The following SLC10A7 variants were observed in gnomAD, a reference collection of about 807,000 sequenced individuals.
The protein encoded by SLC10A7 is solute carrier family 10 member 7, also known as sodium/bile acid cotransporter 7.
SLC10A7 carries 29 observed loss-of-function variants against 43.2 expected under a neutral mutation model. The observed-to-expected ratio is 0.67, with a 90% CI of 0.50 to 0.92. SLC10A7 has a LOEUF of 0.92. SLC10A7 is among the 40% of genes least tolerant of loss of function. SLC10A7 has a pLI of 0.00. For missense variants in SLC10A7, 295 were observed against 403.2 expected (o/e 0.73, Z 2.30); for synonymous variants, 152 against 144.8 (o/e 1.05, Z -0.35).
chr4:146,511,071 AGGGCT>A (rs1737420270), intron 2 of SLC10A7, among the ~76,000 whole-genome samples: 1 of 152,200 alleles, frequency 6.6e-6, no homozygotes, highest in Admixed American at 6.5e-5. Context: ...ATTGAAGTTG[AGGGCT>A]ACTATATGGT....
intron 5 of SLC10A7, among the ~76,000 whole-genome samples, chr4:146,431,161 T>C (rs28715496): frequency 0.015 from 2,263 of 152,262 alleles, 59 homozygotes; most frequent in African/African-American, 0.05. Flanking sequence ...GTTAATGTCA[T>C]GTGTGATATC....
chr4:146,301,214 C>G (rs2111230168), intron 7 of SLC10A7, among the ~76,000 whole-genome samples: 1 of 152,246 alleles, frequency 6.6e-6, no homozygotes, highest in Middle Eastern at 3.4e-3. Flanking sequence ...CAGTCTAGGT[C>G]ACAGCAGGCA....
rs781553304 is a variant in SLC10A7 at position 146,521,607 on chromosome 4, G to T, written c.100+11C>A. ...GAGCCGCGGTGGAGCCGGCAGAGGT[G>T]CAGCACTTACCCCCATTCACCCCTA... On this transcript the variant is annotated intron_variant, in intron 1 of 11. Transcript: ENST00000335472. 6 of 1,609,132 alleles carry T rather than the reference G, an allele frequency of 3.7e-6. No individual in the cohort carries two copies. Among genetic ancestry groups the T allele is most frequent in the East Asian group, 2.2e-5 (1 of 44,816 alleles).
rs1738680667 is a variant in SLC10A7, at chr4:146,521,655, A to G, written c.63T>C (p.Ala21=). ...WFMVGIVLAI[A]GAKLEPSIGV... ...CTATGGACGGCTCCAGTTTAGCTCC[A>G]GCGATCGCCAGCACTATTCCGACCA... The change falls in exon 1 of 12, where the codon GCT becomes GCC. Residue 21 remains alanine (A), a synonymous_variant. Transcript: ENST00000335472. 1 of 1,614,146 alleles carries G rather than the reference A, an allele frequency of 6.2e-7. No homozygotes were observed. The highest frequency in any genetic ancestry group is 1.3e-5 in the African/African-American group (1 of 75,034).
chr4:146,266,332 G>A (rs769435740), intron 10 of SLC10A7, among the ~76,000 whole-genome samples: 50 of 152,150 alleles, frequency 3.3e-4, no homozygotes, highest in Non-Finnish European at 6.5e-4. Context: ...ATCCAGGAGG[G>A]AAATTGCTAT....
At position 146,411,531 on chromosome 4, in the gene SLC10A7, G is replaced by A. The variant is rs532704615; in HGVS notation, c.435+31252C>T. Among the ~76,000 whole-genome samples the A allele has an allele frequency of 1.1e-3, 170 of 152,178 alleles. 1 individual carries two copies. The highest frequency in any genetic ancestry group is 2.0e-3 in the Non-Finnish European group (136 of 68,002). On this transcript the variant is annotated intron_variant, in intron 5 of 11. Coordinates refer to ENST00000335472, the MANE Select transcript of SLC10A7 (RefSeq NM_001029998.6). ...ATACTAATGTTTGAAGGAGGTGTAT[G>A]CTAATTAATACTAATGTTTACAATT...
rs12331616 is a variant in SLC10A7, at chr4:146,497,205, G to C, written c.396+6644C>G. Reference sequence around the variant, plus strand: ...AAGTGATCCATGAAATCCATTTTAAGAAACAAACAATCAAAAAACCACAAA... The same window carrying C: ...AAGTGATCCATGAAATCCATTTTAACAAACAAACAATCAAAAAACCACAAA... On this transcript the variant is annotated intron_variant, in intron 4 of 11. Coordinates refer to ENST00000335472, the MANE Select transcript of SLC10A7 (RefSeq NM_001029998.6). Among the ~76,000 whole-genome samples, 272 of 152,178 alleles carry C rather than the reference G, an allele frequency of 1.8e-3. 3 individuals carry two copies. Among genetic ancestry groups the C allele is most frequent in the African/African-American group, 6.1e-3 (253 of 41,532 alleles).
chr4:146,382,691 A>G (rs979517710), intron 5 of SLC10A7, among the ~76,000 whole-genome samples: 2 of 152,172 alleles, frequency 1.3e-5, no homozygotes, highest in African/African-American at 4.8e-5. Flanking sequence ...AATATAAATA[A>G]TGTCCTCTTC....
At chr4:146,443,457 G>A (rs932452225) in intron 4 of SLC10A7, among the ~76,000 whole-genome samples, 1 of 152,204 alleles carries the variant, frequency 6.6e-6, no homozygotes, top group South Asian at 2.1e-4. Context: ...CATAGCAGAC[G>A]TAATATAGCT....
At chr4:146,351,834 C>T (rs1334887404) in intron 5 of SLC10A7, among the ~76,000 whole-genome samples, 73 of 128,848 alleles carry the variant, frequency 5.7e-4, no homozygotes, top group African/African-American at 2.0e-3. Flanking sequence ...CAAGCAAATG[C>T]TGAGAGATTT....
chr4:146,304,726 G>C (rs1362772237), intron 7 of SLC10A7, among the ~76,000 whole-genome samples: 1 of 152,142 alleles, frequency 6.6e-6, no homozygotes, highest in Non-Finnish European at 1.5e-5. Context: ...TGTATATTCT[G>C]TTGATTTGGG....
At chr4:146,394,198 C>T (rs1388006311) in intron 5 of SLC10A7, among the ~76,000 whole-genome samples, 4 of 152,130 alleles carry the variant, frequency 2.6e-5, no homozygotes, top group Non-Finnish European at 5.9e-5. Context: ...TTCTCATAAT[C>T]CATGGTTATA....
At chr4:146,435,006 A>C (rs1261038732) in intron 5 of SLC10A7, among the ~76,000 whole-genome samples, 1 of 76,328 alleles carries the variant, frequency 1.3e-5, no homozygotes, top group Non-Finnish European at 2.7e-5. Context: ...GAGGGCAAGA[A>C]TCATTTTTTT....
chr4:146,356,129 A>C (rs1181582005), intron 5 of SLC10A7, among the ~76,000 whole-genome samples: 1 of 150,696 alleles, frequency 6.6e-6, no homozygotes, highest in Non-Finnish European at 1.5e-5. Flanking sequence ...TATTTGATTT[A>C]TTGACTTTCA....
In SLC10A7 at chr4:146,388,300, T is replaced by C. The variant is rs571487245; in HGVS notation, c.435+54483A>G. ...TACAACCAACTGACCTTTGACAAAGTTGACAAAGATATACACTGGGGAAAG... is the reference window on the plus strand; with the variant it reads ...TACAACCAACTGACCTTTGACAAAGCTGACAAAGATATACACTGGGGAAAG... On this transcript the variant is annotated intron_variant, in intron 5 of 11. Transcript: ENST00000335472. Among the ~76,000 whole-genome samples the C allele has an allele frequency of 3.9e-5, 6 of 152,156 alleles. No individual in the cohort carries two copies. The East Asian group carries it at 1.2e-3, about 29-fold the overall frequency.
At chr4:146,373,555 A>G (rs913705681) in intron 5 of SLC10A7, among the ~76,000 whole-genome samples, 3 of 152,156 alleles carry the variant, frequency 2.0e-5, no homozygotes, top group African/African-American at 7.2e-5. Context: ...CACAGGGATC[A>G]GGTCAAAAAG....
chr4:146,271,883 T>A (rs1431571734), intron 10 of SLC10A7, among the ~76,000 whole-genome samples: 1 of 152,148 alleles, frequency 6.6e-6, no homozygotes, highest in Non-Finnish European at 1.5e-5. Context: ...TTGCTCCCTA[T>A]TTCCTTCAGG....
At chr4:146,515,735 C>A (rs1278901311) in intron 2 of SLC10A7, among the ~76,000 whole-genome samples, 1 of 151,864 alleles carries the variant, frequency 6.6e-6, no homozygotes, top group Non-Finnish European at 1.5e-5. Context: ...TGTAGTGAAA[C>A]CCCACCTCTA....
At chr4:146,324,310 T>C (rs145889325) in intron 6 of SLC10A7, among the ~76,000 whole-genome samples, 26 of 152,256 alleles carry the variant, frequency 1.7e-4, no homozygotes, top group African/African-American at 5.1e-4. Flanking sequence ...CTTCACAGAA[T>C]TGGAAAAAAC....
Sources: allele counts gnomAD v4.1 joint callset (sites outside exome capture counted in the v4.1 genomes callset), GRCh38; gene constraint gnomAD v4.1.1; transcripts MANE v1.5; gene names NCBI Gene and HGNC (gene_info 2026-07-23, HGNC 2026-07-21).